Variants in SIN3B observed in about 807,000 individuals in gnomAD.
The protein encoded by SIN3B is paired amphipathic helix protein Sin3b.
SIN3B carries 19 observed loss-of-function variants against 120.2 expected under a neutral mutation model. The observed-to-expected ratio is 0.16, with a 90% CI of 0.11 to 0.23. The LOEUF (loss-of-function observed/expected upper bound fraction) is 0.23. Ranked by LOEUF, SIN3B falls within the 10% of genes least tolerant of loss-of-function variation. The pLI, the probability that SIN3B is intolerant of heterozygous loss-of-function variation, is 1.00. For synonymous variants in SIN3B, 654 were observed against 653.2 expected, an observed-to-expected ratio of 1.00 and a Z score of -0.02; for missense variants, 1,073 against 1,573.0, an observed-to-expected ratio of 0.68 and a Z score of 5.38.
rs773623461 is a variant in SIN3B at position 16,847,158 on chromosome 19, G to T, written c.726+45G>T. ...GCCCAGCCTCGGGGGCCTCAGCGAG[G>T]ACGGAGGGCCCCAGCCAGCTTGACC... On this transcript the variant is annotated intron_variant, in intron 5 of 18. Coordinates refer to ENST00000248054, the MANE Select transcript of SIN3B (RefSeq NM_001297595.2). 37 of 1,582,722 alleles carry T rather than the reference G, an allele frequency of 2.3e-5. No individual in the cohort carries two copies. The Admixed American group carries it at 6.1e-4, about 26-fold the overall frequency.
chr19:16,867,927 T>C (rs920733302), intron 12 of SIN3B, among the ~76,000 whole-genome samples: 2 of 152,178 alleles, frequency 1.3e-5, no homozygotes, highest in Admixed American at 1.3e-4. Flanking sequence ...GTGCAGATGA[T>C]GAAGTAGCCC....
intron 5 of SIN3B, 41 bp from the exon 6 acceptor site, chr19:16,851,371 C>T (rs1599598348): frequency 6.5e-7 from 1 of 1,536,772 alleles, no homozygotes. Flanking sequence ...ATGGGTCCAG[C>T]CACGTCTCCG....
At chr19:16,857,302 T>A (rs1971628173) in intron 8 of SIN3B, among the ~76,000 whole-genome samples, 1 of 152,228 alleles carries the variant, frequency 6.6e-6, no homozygotes, top group Admixed American at 6.5e-5. Context: ...GATTCTGATG[T>A]TCTGTTTAGA....
chr19:16,840,949 G>A (rs753661269), intron 3 of SIN3B, among the ~76,000 whole-genome samples: 41 of 152,148 alleles, frequency 2.7e-4, no homozygotes, highest in Admixed American at 6.6e-5. Context: ...GCGTTCTCTA[G>A]GACTCACCAA....
At chr19:16,836,008 A>C (rs1167676462) in intron 3 of SIN3B, among the ~76,000 whole-genome samples, 1 of 152,072 alleles carries the variant, frequency 6.6e-6, no homozygotes, top group Non-Finnish European at 1.5e-5. Context: ...CCCCAATTTT[A>C]TCACAAAGCC....
At chr19:16,863,087 T>C (rs1971712061) in intron 9 of SIN3B, 3 of 834,956 alleles carry the variant, frequency 3.6e-6, no homozygotes. Flanking sequence ...TGTGGCTGCT[T>C]TTCTCACCAC....
At chr19:16,860,512 A>G (rs930471601) in intron 8 of SIN3B, among the ~76,000 whole-genome samples, 2 of 151,730 alleles carry the variant, frequency 1.3e-5, no homozygotes, top group African/African-American at 2.4e-5. Flanking sequence ...GCCCACATCA[A>G]TGAGGGGGAC....
intron 3 of SIN3B, among the ~76,000 whole-genome samples, chr19:16,836,809 C>T (rs1166467406): frequency 1.3e-5 from 2 of 152,192 alleles, no homozygotes; most frequent in Non-Finnish European, 2.9e-5. Flanking sequence ...CTAACTTAAG[C>T]AGCCCCTCGA....
At chr19:16,863,854 G>T in intron 10 of SIN3B, 58 bp downstream of exon 10, 1 of 1,227,568 alleles carries the variant, frequency 8.1e-7, no homozygotes, top group South Asian at 1.2e-5. Flanking sequence ...TTCTCCATGG[G>T]ACATGCATCC....
intron 3 of SIN3B, among the ~76,000 whole-genome samples, chr19:16,841,473 C>T (rs1344740240): frequency 6.6e-6 from 1 of 152,124 alleles, no homozygotes; most frequent in Non-Finnish European, 1.5e-5. Context: ...CTTAAACATC[C>T]ACTTTGTACA....
In SIN3B at chr19:16,851,433, G is replaced by GA; in HGVS notation, c.749dup (p.Met251AspfsTer62). On this transcript the variant is annotated frameshift_variant, in exon 6 of 19. Transcript: ENST00000248054. LOFTEE classifies it high-confidence loss of function. ...TTAGTTCACAGGAAACGGGCCGTGCGAGATGCACAGCGTGCAGAAGAACGA... is the reference window on the plus strand; with the variant it reads ...TTAGTTCACAGGAAACGGGCCGTGCGAAGATGCACAGCGTGCAGAAGAACGA... 6.2e-7 allele frequency: 1 copy of GA among 1,606,428 alleles called. No homozygotes were observed. The highest frequency in any genetic ancestry group is 1.7e-5 in the Admixed American group (1 of 59,208).
intron 2 of SIN3B, among the ~76,000 whole-genome samples, chr19:16,830,132 G>A (rs1971261140): frequency 6.6e-6 from 1 of 152,234 alleles, no homozygotes; most frequent in Non-Finnish European, 1.5e-5. Context: ...GGGAGGCAGG[G>A]AGGGCGAGGC....
At position 16,878,373 on chromosome 19, in the gene SIN3B, C is replaced by T; in HGVS notation, c.3145C>T (p.Leu1049Phe). ...SEDYMYRRGT[L>F]CRAKQVQPLV... Reference sequence around the variant, plus strand: ...GGACTACATGTACCGTCGCGGGACCCTCTGCCGGGCCAAGCAGGTGCCAGG... The same window carrying T: ...GGACTACATGTACCGTCGCGGGACCTTCTGCCGGGCCAAGCAGGTGCCAGG... The change falls in exon 18 of 19, where the codon CTC becomes TTC. Residue 1049 changes from leucine (L) to phenylalanine (F), a missense_variant. Physicochemically the swap from Leu to Phe is conservative, Grantham distance 22. This residue lies in a region of SIN3B where 311 missense variants were observed against 400.3 expected (regional missense o/e 0.78). Coordinates refer to ENST00000248054, the MANE Select transcript of SIN3B (RefSeq NM_001297595.2). 5.6e-6 allele frequency: 9 copies of T among 1,611,644 alleles called. No homozygotes were observed. Among genetic ancestry groups the T allele is most frequent in the Non-Finnish European group, 6.8e-6 (8 of 1,179,422 alleles).
intron 13 of SIN3B, among the ~76,000 whole-genome samples, chr19:16,871,019 G>A (rs970062628): frequency 2.0e-5 from 3 of 152,266 alleles, no homozygotes; most frequent in African/African-American, 7.2e-5. Context: ...CCATCCCTGG[G>A]TTGCCGGCCA....
intron 13 of SIN3B, among the ~76,000 whole-genome samples, chr19:16,870,387 CT>C (rs397859319): frequency 0.42 from 60,120 of 141,962 alleles, 12,338 homozygotes; most frequent in Non-Finnish European, 0.45. Context: ...CTTTTTCTTT[CT>C]TTTTTTTTTT....
chr19:16,865,421 C>T lies in SIN3B; in HGVS notation c.1395C>T (p.Val465=). The part of the protein sequence containing the change: ...CEDERFELDV[V]LETNLATIRV... The stretch of plus-strand genomic sequence containing the variant: ...CTTCCTTTCCATAGTTAGACGTTGT[C>T]CTGGAGACGAACCTGGCCACAATCC... Residue 465 remains valine (V), a synonymous_variant, in exon 11 of 19, where the codon GTC becomes GTT. Coordinates refer to ENST00000248054, the MANE Select transcript of SIN3B (RefSeq NM_001297595.2). 1.3e-6 allele frequency: 2 copies of T among 1,598,948 alleles called. No individual in the cohort carries two copies. The highest frequency in any genetic ancestry group is 2.3e-5 in the East Asian group (1 of 44,290).
At position 16,878,311 on chromosome 19, in the gene SIN3B, T is replaced by G. The variant is rs775363290; in HGVS notation, c.3083T>G (p.Leu1028Arg). The G allele has an allele frequency of 1.2e-6, 2 of 1,611,710 alleles. No individual in the cohort carries two copies. The highest frequency in any genetic ancestry group is 1.7e-6 in the Non-Finnish European group (2 of 1,179,404). ...SACDVDCRFK[L>R]STHKMVFIVN... ...TGCGACGTGGACTGCCGCTTCAAGC[T>G]CAGCACTCACAAGATGGTGTTCATC... The change falls in exon 18 of 19, where the codon CTC (leucine) becomes CGC (arginine). Residue 1028 changes from leucine (L) to arginine (R), a missense_variant. Leu to Arg is a moderately radical substitution (Grantham distance 102). Around this residue, in one of 7 missense-constraint regions of SIN3B, gnomAD observed 311 missense variants for 400.3 expected, o/e 0.78. Coordinates refer to ENST00000248054, the MANE Select transcript of SIN3B (RefSeq NM_001297595.2).
chr19:16,874,419 T>C (rs560462718), intron 14 of SIN3B, among the ~76,000 whole-genome samples: 1 of 146,858 alleles, frequency 6.8e-6, no homozygotes, highest in African/African-American at 2.5e-5. Flanking sequence ...TTGGTCTGAT[T>C]TGGTTTGGTT....
chr19:16,847,504 T>C (rs921503482), intron 5 of SIN3B, among the ~76,000 whole-genome samples: 2 of 152,208 alleles, frequency 1.3e-5, no homozygotes, highest in African/African-American at 2.4e-5. Context: ...CTTCCCCTGT[T>C]GGATGAGACT....
Sources: allele counts gnomAD v4.1 joint callset (sites outside exome capture counted in the v4.1 genomes callset), GRCh38; gene constraint gnomAD v4.1.1; regional missense constraint gnomAD v4.1.1; transcripts MANE v1.5; gene names NCBI Gene and HGNC (gene_info 2026-07-23, HGNC 2026-07-21).